COLQ: variants seen among roughly 807,000 people sequenced by gnomAD.
The protein encoded by COLQ is collagen like tail subunit of asymmetric acetylcholinesterase.
COLQ carries 48 observed loss-of-function variants against 69.0 expected under a neutral mutation model. That is an observed-to-expected ratio of 0.70 (90% CI 0.55 to 0.88). The LOEUF (loss-of-function observed/expected upper bound fraction) is 0.88. COLQ is among the 40% of genes least tolerant of loss of function. The pLI is 0.00. For missense variants in COLQ, 618 were observed against 594.6 expected (o/e 1.04, Z -0.41); for synonymous variants, 217 against 211.2 (o/e 1.03, Z -0.24).
intron 1 of COLQ, among the ~76,000 whole-genome samples, chr3:15,509,713 T>C (rs995686490): frequency 2.6e-5 from 4 of 152,238 alleles, no homozygotes; most frequent in Non-Finnish European, 5.9e-5. Context: ...ATATTCCCCT[T>C]TTCCAGGTGA....
At chr3:15,454,502 CTG>C (rs747664190) in intron 15 of COLQ, among the ~76,000 whole-genome samples, 1 of 152,142 alleles carries the variant, frequency 6.6e-6, no homozygotes, top group African/African-American at 2.4e-5. Context: ...CTATTTGACA[CTG>C]TGCACCAGAG....
intron 1 of COLQ, chr3:15,506,609 A>T (rs2062915010): frequency 6.6e-6 from 1 of 152,186 alleles, no homozygotes; most frequent in South Asian, 2.1e-4. Context: ...GTTTCTTCAC[A>T]GTATTTTTGT....
At chr3:15,475,026 C>T in intron 7 of COLQ, 75 bp from the exon 8 acceptor site, 1 of 1,493,460 alleles carries the variant, frequency 6.7e-7, no homozygotes, top group African/African-American at 1.4e-5. Flanking sequence ...TAGAAGGAAT[C>T]CCTGAATGTG....
At chr3:15,514,241 T>C (rs1207816794) in intron 1 of COLQ, among the ~76,000 whole-genome samples, 2 of 152,176 alleles carry the variant, frequency 1.3e-5, no homozygotes, top group Non-Finnish European at 2.9e-5. Flanking sequence ...TTTATTACAG[T>C]AGCCATAGGA....
At chr3:15,486,741 C>T (rs2062581744) in intron 3 of COLQ, among the ~76,000 whole-genome samples, 1 of 152,174 alleles carries the variant, frequency 6.6e-6, no homozygotes, top group Non-Finnish European at 1.5e-5. Context: ...TTGTATCCAA[C>T]AAGTAATTAC....
At chr3:15,497,772 T>C (rs561279688) in intron 1 of COLQ, among the ~76,000 whole-genome samples, 37 of 152,328 alleles carry the variant, frequency 2.4e-4, no homozygotes, top group African/African-American at 8.7e-4. Context: ...TTTGACTTTA[T>C]TGTAGTGAGT....
intron 1 of COLQ, chr3:15,498,501 ACAC>A: frequency 6.4e-7 from 1 of 1,551,550 alleles, no homozygotes; most frequent in South Asian, 1.2e-5. Flanking sequence ...ACACACGCAC[ACAC>A]AACTCACCCA....
At chr3:15,459,474 C>T (rs1351874493) in intron 12 of COLQ, among the ~76,000 whole-genome samples, 2 of 149,484 alleles carry the variant, frequency 1.3e-5, no homozygotes, top group African/African-American at 5.0e-5. Flanking sequence ...TAGCATAAGG[C>T]ATCCTTTTTT....
At chr3:15,503,150 C>G (rs941146999) in intron 1 of COLQ, among the ~76,000 whole-genome samples, 5 of 152,188 alleles carry the variant, frequency 3.3e-5, no homozygotes, top group African/African-American at 1.2e-4. Flanking sequence ...GTCCTCACTG[C>G]TCTAGTCTGG....
At chr3:15,475,812 G>A (rs1385178769) in intron 6 of COLQ, among the ~76,000 whole-genome samples, 1 of 152,114 alleles carries the variant, frequency 6.6e-6, no homozygotes, top group African/African-American at 2.4e-5. Flanking sequence ...GGGGCATGAC[G>A]GAACTGGGGC....
chr3:15,458,111 T>C lies in COLQ; in HGVS notation c.954+75A>G. The C allele has an allele frequency of 2.6e-6, 4 of 1,550,402 alleles. No homozygotes were observed. The South Asian group carries it at 4.5e-5, about 17-fold the overall frequency. On this transcript the variant is annotated intron_variant, in intron 13 of 16. Transcript: ENST00000383788. ...AAAAAGTTAGTTTTACTGAAAGGAT[T>C]TTACAAAGCCCCATAAGGATCAGGT... is the stretch of plus-strand genomic sequence containing the variant.
intron 3 of COLQ, among the ~76,000 whole-genome samples, chr3:15,486,071 G>A (rs1198047709): frequency 6.6e-6 from 1 of 151,926 alleles, no homozygotes; most frequent in African/African-American, 2.4e-5. Flanking sequence ...ATAAGTTTGA[G>A]AACCAGTATC....
In COLQ at chr3:15,516,966, A is replaced by G. The variant is rs185885041; in HGVS notation, c.106+4554T>C. On this transcript the variant is annotated intron_variant, in intron 1 of 16. Coordinates refer to ENST00000383788, the MANE Select transcript of COLQ (RefSeq NM_005677.4). ...AGACCAGCCTGGCCAACATGGCAAA[A>G]CCCCATCTCTACTAAAAATACAAAA... is the stretch of plus-strand genomic sequence containing the variant. Among the ~76,000 whole-genome samples the G allele has an allele frequency of 2.3e-3, 346 of 152,042 alleles. 2 individuals carry two copies. Among genetic ancestry groups the G allele is most frequent in the African/African-American group, 7.8e-3 (325 of 41,460 alleles).
intron 2 of COLQ, 118 bp downstream of exon 2, chr3:15,489,407 G>T: frequency 1.1e-6 from 1 of 917,104 alleles, no homozygotes; most frequent in Non-Finnish European, 1.8e-6. Context: ...GGAGGGTTGA[G>T]GCTCTCAGAA....
chr3:15,489,838 TCATAAAGAAGCAG>T (rs1470541175), intron 1 of COLQ, among the ~76,000 whole-genome samples: 3 of 152,200 alleles, frequency 2.0e-5, no homozygotes, highest in Non-Finnish European at 4.4e-5. Flanking sequence ...TTAAGATGGT[TCATAAAGAAGCAG>T]ATGACTTGTC....
intron 11 of COLQ, among the ~76,000 whole-genome samples, chr3:15,469,510 G>A (rs1395567518): frequency 6.6e-6 from 1 of 152,184 alleles, no homozygotes; most frequent in African/African-American, 2.4e-5. Flanking sequence ...AACTGGACTG[G>A]ATGATTGTAA....
rs148053977 is a variant in COLQ, at chr3:15,453,429, A to T, written c.1298+400T>A. ...TCCAGGGAAGTCAGGTTAGGTAGAC[A>T]TGTCGATTCTTGGAAATGCCCTGAG... On this transcript the variant is annotated intron_variant, in intron 16 of 16. Transcript: ENST00000383788. Among the ~76,000 whole-genome samples the T allele has an allele frequency of 3.9e-5, 6 of 152,302 alleles. No homozygotes were observed. In the East Asian group the frequency reaches 1.2e-3, roughly 29 times the overall value.
chr3:15,462,049 G>C (rs1326826571), intron 12 of COLQ, among the ~76,000 whole-genome samples: 1 of 142,452 alleles, frequency 7.0e-6, no homozygotes, highest in African/African-American at 2.5e-5. Flanking sequence ...TTATTTTTGA[G>C]ATGGAGTCTT....
At chr3:15,509,875 G>A (rs2062960012) in intron 1 of COLQ, among the ~76,000 whole-genome samples, 1 of 152,268 alleles carries the variant, frequency 6.6e-6, no homozygotes, top group East Asian at 1.9e-4. Context: ...CTTCAGCACC[G>A]AATAAGAGCA....
Sources: gnomAD v4.1 joint callset for allele counts (sites outside exome capture counted in the v4.1 genomes callset) on GRCh38, gnomAD v4.1.1 for gene constraint, MANE v1.5 for transcripts, NCBI Gene and HGNC (gene_info 2026-07-23, HGNC 2026-07-21) for gene names.